Variants in DHX9 observed in about 807,000 individuals in gnomAD.
The protein encoded by DHX9 is DExH-box helicase 9.
In DHX9, 27 loss-of-function variants were observed where a neutral mutation model predicts 148.7. The ratio of observed to expected loss-of-function variants is 0.18; its 90% CI spans 0.13 to 0.25. The LOEUF (loss-of-function observed/expected upper bound fraction) is 0.25. DHX9 is among the 10% of genes least tolerant of loss of function. DHX9 has a pLI of 1.00. For synonymous variants in DHX9, 529 were observed against 516.6 expected, an observed-to-expected ratio of 1.02 and a Z score of -0.33; for missense variants, 796 against 1,559.6, an observed-to-expected ratio of 0.51 and a Z score of 8.25.
At chr1:182,842,784 C>T (rs1055355006) in intron 2 of DHX9, 107 bp downstream of exon 2, 20 of 763,390 alleles carry the variant, frequency 2.6e-5, no homozygotes, top group African/African-American at 2.3e-4. Flanking sequence ...CATTAGGAAA[C>T]GACAGTTCTT....
intron 1 of DHX9, among the ~76,000 whole-genome samples, chr1:182,841,060 G>T (rs1667918178): frequency 6.6e-6 from 1 of 152,126 alleles, no homozygotes; most frequent in African/African-American, 2.4e-5. Flanking sequence ...GGGAGGTTGA[G>T]GCGGGCCGAT....
intron 14 of DHX9, 59 bp from the exon 15 acceptor site, chr1:182,872,278 C>T: frequency 7.0e-7 from 1 of 1,424,154 alleles, no homozygotes; most frequent in South Asian, 1.3e-5. Flanking sequence ...CTCTTTTAGG[C>T]ATAGCTTGTT....
At chr1:182,886,807 T>A (rs571418869) in intron 27 of DHX9, among the ~76,000 whole-genome samples, 1 of 152,352 alleles carries the variant, frequency 6.6e-6, no homozygotes, top group African/African-American at 2.4e-5. Context: ...GGAACACTTA[T>A]GTTATTGAAC....
chr1:182,867,182 C>T, intron 14 of DHX9, 139 bp downstream of exon 14: 1 of 556,392 alleles, frequency 1.8e-6, no homozygotes. Context: ...TGTTGAAAAT[C>T]TTTTTTTAGT....
chr1:182,848,731 T>C (rs1041669391), intron 3 of DHX9, among the ~76,000 whole-genome samples: 1 of 152,212 alleles, frequency 6.6e-6, no homozygotes, highest in African/African-American at 2.4e-5. Context: ...TTTAATTGGC[T>C]CACAATTATG....
chr1:182,849,553 G>T (rs1344569658), intron 3 of DHX9, among the ~76,000 whole-genome samples: 2 of 152,202 alleles, frequency 1.3e-5, no homozygotes, highest in Non-Finnish European at 2.9e-5. Flanking sequence ...ATGGCGTCTA[G>T]TGGGTGGAAG....
intron 24 of DHX9, among the ~76,000 whole-genome samples, chr1:182,882,820 G>C (rs1447216809): frequency 6.6e-6 from 1 of 150,850 alleles, no homozygotes; most frequent in African/African-American, 2.4e-5. Context: ...AGCAGAGATG[G>C]CGCCACTGCA....
intron 14 of DHX9, among the ~76,000 whole-genome samples, chr1:182,869,564 G>C (rs1280018719): frequency 6.6e-6 from 1 of 152,162 alleles, no homozygotes. Context: ...GTCTTATCTG[G>C]TCCTGACCAG....
chr1:182,880,868 C>T (rs984412949), intron 22 of DHX9, among the ~76,000 whole-genome samples: 1 of 152,162 alleles, frequency 6.6e-6, no homozygotes, highest in Non-Finnish European at 1.5e-5. Flanking sequence ...CAATGTGGCT[C>T]ACACCTTGAA....
chr1:182,871,843 A>G (rs1267926034), intron 14 of DHX9, among the ~76,000 whole-genome samples: 4 of 152,236 alleles, frequency 2.6e-5, no homozygotes, highest in African/African-American at 9.6e-5. Flanking sequence ...ACTTGAGGCC[A>G]GGAGTTTGAG....
At chr1:182,869,237 T>C (rs1270817709) in intron 14 of DHX9, among the ~76,000 whole-genome samples, 1 of 152,196 alleles carries the variant, frequency 6.6e-6, no homozygotes, top group Non-Finnish European at 1.5e-5. Context: ...CAGTGAAACC[T>C]TGTCCGGTAT....
intron 2 of DHX9, among the ~76,000 whole-genome samples, chr1:182,843,014 A>G (rs908409690): frequency 1.3e-5 from 2 of 152,208 alleles, no homozygotes; most frequent in Non-Finnish European, 2.9e-5. Flanking sequence ...CTTAAATACA[A>G]ATGGAGAGCT....
At chr1:182,860,892 C>A (rs1418045603) in intron 12 of DHX9, among the ~76,000 whole-genome samples, 2 of 152,166 alleles carry the variant, frequency 1.3e-5, no homozygotes, top group Admixed American at 1.3e-4. Flanking sequence ...ACTTCTGGCA[C>A]TTTGTGGGAG....
intron 19 of DHX9, 158 bp from the exon 20 acceptor site, chr1:182,877,863 A>T: frequency 1.2e-6 from 1 of 804,696 alleles, no homozygotes; most frequent in African/African-American, 1.7e-5. Flanking sequence ...AGGAGTTTGC[A>T]GTCAGATTGC....
Position 182,883,194 on chromosome 1 carries a change from T to C in DHX9, c.2970T>C (p.Val990=). The C allele has an allele frequency of 6.2e-7, 1 of 1,614,172 alleles. No individual in the cohort carries two copies. The change falls in exon 25 of 28, where the codon GTT becomes GTC. Residue 990 remains valine, a synonymous_variant. Coordinates refer to ENST00000367549, the MANE Select transcript of DHX9 (RefSeq NM_001357.5). ...TNTGPDNNLD[V]VISLLAFGVY... is the part of the protein sequence containing the mutation. ...CTGGACCAGATAATAATTTGGATGT[T>C]GTTATCTCCCTCCTGGCCTTTGGTG...
At chr1:182,845,069 C>T (rs1314449055) in intron 3 of DHX9, among the ~76,000 whole-genome samples, 1 of 152,130 alleles carries the variant, frequency 6.6e-6, no homozygotes, top group Admixed American at 6.5e-5. Context: ...CCTTCCATTC[C>T]TTTGACTAAG....
chr1:182,882,042 C>T (rs1649107412), intron 24 of DHX9, among the ~76,000 whole-genome samples: 1 of 152,132 alleles, frequency 6.6e-6, no homozygotes, highest in South Asian at 2.1e-4. Context: ...CTTCCTAAAA[C>T]ATTGAGAACT....
intron 26 of DHX9, 91 bp from the exon 27 acceptor site, chr1:182,884,517 ATTTAT>A: frequency 4.5e-6 from 5 of 1,120,518 alleles, no homozygotes; most frequent in Non-Finnish European, 6.4e-6. Context: ...AAGAAGTTAA[ATTTAT>A]TCTATAATGT....
Sources: gnomAD v4.1 joint callset for allele counts (sites outside exome capture counted in the v4.1 genomes callset) on GRCh38, gnomAD v4.1.1 for gene constraint, MANE v1.5 for transcripts, NCBI Gene and HGNC (gene_info 2026-07-23, HGNC 2026-07-21) for gene names.